The following RNF130 variants were observed in gnomAD, a reference collection of about 807,000 sequenced individuals.
RNF130 encodes ring finger protein 130.
Under a neutral mutation model 44.6 loss-of-function variants are expected in RNF130, and 21 were observed. The observed-to-expected ratio is 0.47, with a 90% CI of 0.33 to 0.68. The LOEUF (loss-of-function observed/expected upper bound fraction) is 0.68. Ranked by LOEUF, RNF130 falls within the 30% of genes least tolerant of loss-of-function variation. The pLI, the probability that RNF130 is intolerant of heterozygous loss-of-function variation, is 0.02. For missense variants in RNF130, 479 were observed against 560.6 expected (o/e 0.85, Z 1.47); for synonymous variants, 214 against 210.4 (o/e 1.02, Z -0.15).
intron 2 of RNF130, among the ~76,000 whole-genome samples, chr5:180,033,407 G>A (rs1485710221): frequency 6.6e-6 from 1 of 152,120 alleles, no homozygotes; most frequent in Non-Finnish European, 1.5e-5. Context: ...TTTTTGGAAC[G>A]TTCATAGCTA....
At chr5:179,929,560 C>T (rs1010129782) in intron 7 of RNF130, among the ~76,000 whole-genome samples, 1 of 152,082 alleles carries the variant, frequency 6.6e-6, no homozygotes, top group African/African-American at 2.4e-5. Flanking sequence ...CCAGCCTGGG[C>T]AACATGGCAA....
At chr5:179,989,193 G>A (rs1039017188) in intron 3 of RNF130, among the ~76,000 whole-genome samples, 6 of 152,182 alleles carry the variant, frequency 3.9e-5, no homozygotes, top group African/African-American at 1.4e-4. Context: ...GATCTTGTGA[G>A]AACTCACTCT....
intron 1 of RNF130, among the ~76,000 whole-genome samples, chr5:180,065,648 T>C (rs1177564804): frequency 6.6e-6 from 1 of 151,858 alleles, no homozygotes; most frequent in Non-Finnish European, 1.5e-5. Flanking sequence ...TAATCCCAGC[T>C]ACTCAGGAGG....
At chr5:179,991,948 G>A (rs1763091890) in intron 3 of RNF130, among the ~76,000 whole-genome samples, 1 of 151,960 alleles carries the variant, frequency 6.6e-6, no homozygotes, top group African/African-American at 2.4e-5. Context: ...GTTCACAGTA[G>A]GCTTCACACT....
chr5:180,068,466 G>A (rs901784889), intron 1 of RNF130, among the ~76,000 whole-genome samples: 2 of 152,286 alleles, frequency 1.3e-5, no homozygotes, highest in South Asian at 2.1e-4. Flanking sequence ...TCGACTTAAT[G>A]ACAAAGACAT....
At chr5:179,948,688 G>A (rs558818836) in intron 7 of RNF130, among the ~76,000 whole-genome samples, 2 of 152,048 alleles carry the variant, frequency 1.3e-5, no homozygotes, top group East Asian at 1.9e-4. Context: ...AAAAGAGAGA[G>A]AGAGAAAAAA....
intron 7 of RNF130, among the ~76,000 whole-genome samples, chr5:179,920,795 A>T (rs764960): frequency 0.045 from 6,436 of 143,276 alleles, 220 homozygotes; most frequent in African/African-American, 0.091. Flanking sequence ...ATATATATAT[A>T]TTTTTTTTTT....
At chr5:179,994,665 T>C (rs1582171907) in intron 3 of RNF130, among the ~76,000 whole-genome samples, 1 of 152,052 alleles carries the variant, frequency 6.6e-6, no homozygotes, top group African/African-American at 2.4e-5. Context: ...ATCGGGTGGG[T>C]GAGCTGGCTC....
chr5:179,948,398 A>C (rs527620381), intron 7 of RNF130, among the ~76,000 whole-genome samples: 1 of 152,054 alleles, frequency 6.6e-6, no homozygotes, highest in African/African-American at 2.4e-5. Context: ...GGCCTGGTGC[A>C]TTGGCTCATG....
At position 179,958,792 on chromosome 5, in the gene RNF130, T is replaced by A. The variant is rs977950346; in HGVS notation, c.1245-3123A>T. On this transcript the variant is annotated intron_variant, in intron 8 of 8. Coordinates refer to ENST00000521389, the MANE Select transcript of RNF130 (RefSeq NM_018434.6). ...ACCTTCGCCTCCCAGGTTCAAGTGA[T>A]TCTCCTGTCTCAGCCTTAGCTGGGA... 7.9e-5 allele frequency among the ~76,000 whole-genome samples: 12 copies of A among 152,266 alleles called. 1 individual carries two copies. Among genetic ancestry groups the A allele is most frequent in the Middle Eastern group, 3.4e-3 (1 of 294 alleles).
intron 7 of RNF130, chr5:179,933,987 T>A (rs1220021393): frequency 2.8e-6 from 1 of 352,702 alleles, no homozygotes; most frequent in Non-Finnish European, 5.3e-6. Context: ...TATGGCACAC[T>A]TGTTTAACCT....
intron 7 of RNF130, among the ~76,000 whole-genome samples, chr5:179,938,195 C>T (rs569652907): frequency 1.3e-5 from 2 of 152,234 alleles, no homozygotes; most frequent in South Asian, 4.1e-4. Flanking sequence ...TGTGCTCAAG[C>T]AATCCACCCT....
intron 2 of RNF130, among the ~76,000 whole-genome samples, chr5:180,031,189 T>C (rs1299804387): frequency 1.3e-5 from 2 of 152,160 alleles, no homozygotes; most frequent in Non-Finnish European, 2.9e-5. Flanking sequence ...AGCAAGCTAT[T>C]AGTAATTAAA....
At chr5:180,006,798 G>C (rs1429726795) in intron 3 of RNF130, among the ~76,000 whole-genome samples, 1 of 152,098 alleles carries the variant, frequency 6.6e-6, no homozygotes, top group Non-Finnish European at 1.5e-5. Flanking sequence ...TCAAAATAAA[G>C]GTAACAAACA....
At chr5:179,925,485 TG>T (rs989116056) in intron 7 of RNF130, among the ~76,000 whole-genome samples, 1 of 152,164 alleles carries the variant, frequency 6.6e-6, no homozygotes, top group African/African-American at 2.4e-5. Context: ...TAGAGAAGCA[TG>T]GCTGGGTTTC....
intron 7 of RNF130, among the ~76,000 whole-genome samples, chr5:179,945,314 C>A (rs1762021803): frequency 6.6e-6 from 1 of 152,068 alleles, no homozygotes; most frequent in Non-Finnish European, 1.5e-5. Context: ...CCCAATGGAC[C>A]CAAACGCTGC....
At chr5:180,043,764 T>C (rs992010511) in intron 1 of RNF130, among the ~76,000 whole-genome samples, 1 of 151,978 alleles carries the variant, frequency 6.6e-6, no homozygotes, top group Non-Finnish European at 1.5e-5. Context: ...ACGGCCTGTA[T>C]AAGCAAAAGA....
intron 1 of RNF130, among the ~76,000 whole-genome samples, chr5:180,057,063 A>G (rs1764842753): frequency 6.6e-6 from 1 of 152,230 alleles, no homozygotes. Context: ...ATTCAAAATA[A>G]GCCCCTTTCA....
chr5:180,050,761 G>A (rs1391863864), intron 1 of RNF130, among the ~76,000 whole-genome samples: 1 of 152,128 alleles, frequency 6.6e-6, no homozygotes, highest in African/African-American at 2.4e-5. Context: ...AAAAATTCCA[G>A]ACTGTTAATT....
Sources: allele counts gnomAD v4.1 joint callset (sites outside exome capture counted in the v4.1 genomes callset), GRCh38; gene constraint gnomAD v4.1.1; transcripts MANE v1.5; gene names NCBI Gene and HGNC (gene_info 2026-07-23, HGNC 2026-07-21).